Variants in CLVS2 observed in about 807,000 individuals in gnomAD.
CLVS2 encodes the protein clavesin 2, also known as clavesin-2.
CLVS2 carries 19 observed loss-of-function variants against 29.0 expected under a neutral mutation model. The ratio of observed to expected loss-of-function variants is 0.66; its 90% CI spans 0.46 to 0.96. The LOEUF is 0.96. Among genes scored for constraint, CLVS2 ranks in the 40% least tolerant of loss-of-function variants. CLVS2 has a pLI of 0.00. For missense variants in CLVS2, 294 were observed against 404.1 expected (o/e 0.73, Z 2.34); for synonymous variants, 161 against 151.3 (o/e 1.06, Z -0.47).
intron 2 of CLVS2, among the ~76,000 whole-genome samples, chr6:123,003,180 A>G (rs747256837): frequency 6.6e-6 from 1 of 152,238 alleles, no homozygotes; most frequent in South Asian, 2.1e-4. Context: ...AGCAAAAACT[A>G]CAAGTGCCAA....
At chr6:123,028,835 C>T (rs1472049522) in intron 3 of CLVS2, among the ~76,000 whole-genome samples, 1 of 152,052 alleles carries the variant, frequency 6.6e-6, no homozygotes, top group Non-Finnish European at 1.5e-5. Flanking sequence ...TATTATTCAC[C>T]TTCTAAACTC....
chr6:123,038,921 A>G (rs1194997880), intron 3 of CLVS2, among the ~76,000 whole-genome samples: 2 of 152,206 alleles, frequency 1.3e-5, no homozygotes, highest in Non-Finnish European at 2.9e-5. Flanking sequence ...GATGTCTGGA[A>G]GCAACATTAT....
chr6:122,997,434 A>C lies in CLVS2; in HGVS notation c.-344A>C. On this transcript the variant is annotated 5_prime_UTR_variant, in exon 2 of 6. Coordinates refer to ENST00000275162, the MANE Select transcript of CLVS2 (RefSeq NM_001010852.4). Reference sequence around the variant, plus strand: ...ATCAGAAACACCCGTGCTAGGTGGAATTAGGGGTGATTTGTTAGGAAAGAG... The same window carrying C: ...ATCAGAAACACCCGTGCTAGGTGGACTTAGGGGTGATTTGTTAGGAAAGAG... 3.4e-6 allele frequency: 1 copy of C among 293,000 alleles called. No individual in the cohort carries two copies. 18.2% of individuals were successfully genotyped at this position (293,000 alleles called of 1,614,324 possible).
At chr6:123,020,570 G>T (rs1210927718) in intron 3 of CLVS2, among the ~76,000 whole-genome samples, 4 of 152,036 alleles carry the variant, frequency 2.6e-5, no homozygotes, top group African/African-American at 9.7e-5. Flanking sequence ...ATAAAGTCTT[G>T]TTGTATGTGT....
At chr6:123,035,312 G>A (rs1775138175) in intron 3 of CLVS2, among the ~76,000 whole-genome samples, 1 of 151,020 alleles carries the variant, frequency 6.6e-6, no homozygotes, top group African/African-American at 2.4e-5. Flanking sequence ...ACTTACCATT[G>A]GGTACACACA....
Position 123,011,157 on chromosome 6 carries a change from C to T in CLVS2, c.562C>T (p.Gln188Ter). The T allele has an allele frequency of 6.4e-7, 1 of 1,559,438 alleles. No homozygotes were observed. The highest frequency in any genetic ancestry group is 1.2e-5 in the South Asian group (1 of 83,418). ...SMLRLAIEGL[Q>*]DSFPARFGGI... ...GCTGCGATTAGCTATTGAAGGCCTGCAGGTAGGATATGGAAATTACCTACT... is the reference window on the plus strand; with the variant it reads ...GCTGCGATTAGCTATTGAAGGCCTGTAGGTAGGATATGGAAATTACCTACT... Residue 188 changes from glutamine to a stop codon, truncating the protein, a stop_gained and splice_region_variant, in exon 3 of 6, where the codon CAG becomes TAG. Coordinates refer to ENST00000275162, the MANE Select transcript of CLVS2 (RefSeq NM_001010852.4). LOFTEE classifies it high-confidence loss of function.
chr6:123,041,481 A>G (rs970295474), intron 3 of CLVS2, among the ~76,000 whole-genome samples: 3 of 152,154 alleles, frequency 2.0e-5, no homozygotes, highest in Non-Finnish European at 2.9e-5. Flanking sequence ...CAGCAATAAC[A>G]ACAAACAAAC....
At chr6:123,063,460 T>A (rs1772808198) in intron 5 of CLVS2, among the ~76,000 whole-genome samples, 1 of 152,118 alleles carries the variant, frequency 6.6e-6, no homozygotes, top group Non-Finnish European at 1.5e-5. Flanking sequence ...ACTATTCTAT[T>A]TAGAGGCCAG....
intron 5 of CLVS2, among the ~76,000 whole-genome samples, chr6:123,063,234 T>TC (rs1772803680): frequency 6.6e-6 from 1 of 152,168 alleles, no homozygotes; most frequent in African/African-American, 2.4e-5. Flanking sequence ...TGCTTTTTTT[T>TC]CATATGTTTT....
At chr6:123,016,345 G>GGC (rs1562165217) in intron 3 of CLVS2, among the ~76,000 whole-genome samples, 2 of 138,748 alleles carry the variant, frequency 1.4e-5, no homozygotes, top group South Asian at 5.3e-4. Context: ...TTTTTGGGGG[G>GGC]GAGGGGGAGG....
intron 2 of CLVS2, among the ~76,000 whole-genome samples, chr6:123,009,841 T>A (rs372153951): frequency 2.6e-5 from 4 of 152,128 alleles, no homozygotes; most frequent in African/African-American, 7.2e-5. Flanking sequence ...TAGCTCTGAC[T>A]GCATTACCTC....
intron 5 of CLVS2, among the ~76,000 whole-genome samples, chr6:123,060,578 G>T (rs751001256): frequency 1.3e-5 from 2 of 152,132 alleles, no homozygotes; most frequent in African/African-American, 4.8e-5. Flanking sequence ...GAGAGACTGA[G>T]AAACAGGAAA....
At chr6:123,050,822 G>T (rs2036569481) in intron 4 of CLVS2, among the ~76,000 whole-genome samples, 1 of 152,118 alleles carries the variant, frequency 6.6e-6, no homozygotes, top group South Asian at 2.1e-4. Flanking sequence ...ACATGATTCT[G>T]CTCTGTTGAA....
rs985859602 is a variant in CLVS2, at chr6:123,070,447, C to T, written c.*6686C>T. On this transcript the variant is annotated 3_prime_UTR_variant, in exon 6 of 6. Coordinates refer to ENST00000275162, the MANE Select transcript of CLVS2 (RefSeq NM_001010852.4). ...TCACTGTATTGGACCAAGTCTTCAA[C>T]ATTTTCCATCTGGAATATTTTAATA... 6.6e-6 allele frequency: 1 copy of T among 151,996 alleles called. No homozygotes were observed. The highest frequency in any genetic ancestry group is 1.5e-5 in the Non-Finnish European group (1 of 67,940). The allele number at this position is 151,996 out of a possible 1,614,324, so 9.4% of individuals were successfully genotyped here. A position where few individuals can be genotyped will look rare whatever the true frequency, so the allele number is the denominator to read the frequency against.
At chr6:123,038,719 T>C (rs1336345348) in intron 3 of CLVS2, among the ~76,000 whole-genome samples, 1 of 152,106 alleles carries the variant, frequency 6.6e-6, no homozygotes, top group Non-Finnish European at 1.5e-5. Flanking sequence ...CTTTTGGTCA[T>C]TAGGAATTCT....
At chr6:123,057,938 C>T (rs778155090) in intron 5 of CLVS2, among the ~76,000 whole-genome samples, 2 of 152,068 alleles carry the variant, frequency 1.3e-5, no homozygotes, top group Non-Finnish European at 1.5e-5. Context: ...ATTTTGTGTG[C>T]GTAAGTATGA....
At chr6:123,011,989 C>T (rs1430136158) in intron 3 of CLVS2, among the ~76,000 whole-genome samples, 1 of 151,998 alleles carries the variant, frequency 6.6e-6, no homozygotes, top group African/African-American at 2.4e-5. Flanking sequence ...TAATTTCTGA[C>T]TGCATCTATA....
At chr6:123,008,883 T>C (rs1054121644) in intron 2 of CLVS2, among the ~76,000 whole-genome samples, 5 of 152,036 alleles carry the variant, frequency 3.3e-5, no homozygotes, top group Non-Finnish European at 7.4e-5. Context: ...AACAAATACA[T>C]AGCAGAGCTC....
At position 122,997,739 on chromosome 6, in the gene CLVS2, C is replaced by G; in HGVS notation, c.-39C>G. ...ACCAGGTTTGCTTTGGGACAGTCAA[C>G]AAGGTCTTCTGAGGGAAAGCTCAGA... On this transcript the variant is annotated 5_prime_UTR_variant, in exon 2 of 6. Transcript: ENST00000275162. 2 of 1,596,420 alleles carry G rather than the reference C, an allele frequency of 1.3e-6. No homozygotes were observed. Among genetic ancestry groups the G allele is most frequent in the Non-Finnish European group, 1.7e-6 (2 of 1,171,646 alleles).
Sources: gnomAD v4.1 joint callset for allele counts (sites outside exome capture counted in the v4.1 genomes callset) on GRCh38, gnomAD v4.1.1 for gene constraint, MANE v1.5 for transcripts, NCBI Gene and HGNC (gene_info 2026-07-23, HGNC 2026-07-21) for gene names.